The following INTS6 variants were observed in gnomAD, a reference collection of about 807,000 sequenced individuals.
INTS6 encodes integrator complex subunit 6.
In INTS6, 16 loss-of-function variants were observed where a neutral mutation model predicts 104.9. The observed-to-expected ratio is 0.15, with a 90% CI of 0.10 to 0.23. The LOEUF (loss-of-function observed/expected upper bound fraction) is 0.23, where lower values mean the gene tolerates loss of function less well. Among genes scored for constraint, INTS6 ranks in the 10% least tolerant of loss-of-function variants. The pLI, the probability that INTS6 is intolerant of heterozygous loss-of-function variation, is 1.00. For missense variants in INTS6, 584 were observed against 1,062.8 expected (o/e 0.55, Z 6.26); for synonymous variants, 324 against 358.7 (o/e 0.90, Z 1.09).
chr13:51,406,977 C>A (rs1956581152), intron 4 of INTS6, among the ~76,000 whole-genome samples: 1 of 150,760 alleles, frequency 6.6e-6, no homozygotes, highest in Non-Finnish European at 1.5e-5. Context: ...ATTGTTCTTC[C>A]TTCCAATGTG....
At chr13:51,403,582 A>C (rs1278477380) in intron 4 of INTS6, among the ~76,000 whole-genome samples, 1 of 144,902 alleles carries the variant, frequency 6.9e-6, no homozygotes, top group Non-Finnish European at 1.5e-5. Flanking sequence ...ACTCCATTTC[A>C]AAAAAAAAAA....
At chr13:51,372,512 T>C (rs1955829967) in intron 15 of INTS6, among the ~76,000 whole-genome samples, 1 of 152,188 alleles carries the variant, frequency 6.6e-6, no homozygotes, top group Non-Finnish European at 1.5e-5. Flanking sequence ...GGTGAGATTT[T>C]ATTCAGTGCA....
downstream of INTS6, among the ~76,000 whole-genome samples, chr13:51,352,942 G>A (rs1955421706): frequency 6.6e-6 from 1 of 152,110 alleles, no homozygotes; most frequent in African/African-American, 2.4e-5. Context: ...TTGCATTCCT[G>A]GGATAAATCC....
the INTS6 span, chr13:51,348,252 T>A: frequency 6.2e-7 from 1 of 1,604,964 alleles, no homozygotes; most frequent in Admixed American, 1.7e-5. Flanking sequence ...GTGGGGGTGC[T>A]GGAGCTTCCT....
intron 4 of INTS6, among the ~76,000 whole-genome samples, chr13:51,419,869 T>C (rs542265700): frequency 1.3e-5 from 2 of 152,300 alleles, no homozygotes; most frequent in South Asian, 2.1e-4. Flanking sequence ...TCTAGAACAG[T>C]AGTCTACAAA....
chr13:51,394,793 G>A (rs1250049260), intron 5 of INTS6, among the ~76,000 whole-genome samples: 3 of 152,142 alleles, frequency 2.0e-5, no homozygotes, highest in Non-Finnish European at 2.9e-5. Flanking sequence ...TGTATTTCAA[G>A]ATTTTCCTTG....
intron 4 of INTS6, among the ~76,000 whole-genome samples, chr13:51,400,013 C>A (rs1956407549): frequency 6.6e-6 from 1 of 152,222 alleles, no homozygotes; most frequent in Admixed American, 6.5e-5. Context: ...AGCATTACTG[C>A]CTGAGCTCCA....
At chr13:51,337,764 T>C in the INTS6 span, among the ~76,000 whole-genome samples, 1 of 152,242 alleles carries the variant, frequency 6.6e-6, no homozygotes, top group Admixed American at 6.5e-5. Flanking sequence ...ATAGAGTAGC[T>C]GGAACACAGT....
the INTS6 span, chr13:51,348,079 C>CT: frequency 3.0e-6 from 2 of 656,284 alleles, no homozygotes; most frequent in African/African-American, 1.8e-5. Context: ...GGCCTGAAAC[C>CT]GCCTCCTGAG....
At position 51,428,797 on chromosome 13, in the gene INTS6, A is replaced by C. The variant is rs150179705; in HGVS notation, c.429+1497T>G. On this transcript the variant is annotated intron_variant, in intron 4 of 17. Transcript: ENST00000311234. ...ATTATATATAGACTATAAATTATTT[A>C]ATCATGGATTATAATCTACCTAAAT... 2.4e-3 allele frequency among the ~76,000 whole-genome samples: 360 copies of C among 152,312 alleles called. 1 individual carries two copies. The highest frequency in any genetic ancestry group is 4.2e-3 in the Admixed American group (64 of 15,300).
At chr13:51,390,116 T>A (rs1287663740) in intron 5 of INTS6, among the ~76,000 whole-genome samples, 5 of 152,030 alleles carry the variant, frequency 3.3e-5, no homozygotes, top group Admixed American at 6.6e-5. Context: ...GTGATTTTTT[T>A]AAAAAGATAC....
chr13:51,336,663 G>A, the INTS6 span, among the ~76,000 whole-genome samples: 1 of 152,166 alleles, frequency 6.6e-6, no homozygotes, highest in Admixed American at 6.5e-5. Flanking sequence ...CAAAGAAGTT[G>A]ATGCTTTCAG....
intron 13 of INTS6, 100 bp downstream of exon 13, chr13:51,375,948 G>C (rs1057280592): frequency 7.5e-6 from 7 of 929,096 alleles, no homozygotes; most frequent in Non-Finnish European, 1.1e-5. Flanking sequence ...GAATGTTATA[G>C]TACTGTAATA....
At chr13:51,396,791 A>T (rs1956347420) in intron 4 of INTS6, among the ~76,000 whole-genome samples, 1 of 152,194 alleles carries the variant, frequency 6.6e-6, no homozygotes, top group African/African-American at 2.4e-5. Context: ...TTCTCCAATA[A>T]ATCAGTGGCA....
chr13:51,371,891 C>T (rs1251593259), intron 15 of INTS6, among the ~76,000 whole-genome samples: 1 of 152,172 alleles, frequency 6.6e-6, no homozygotes, highest in Non-Finnish European at 1.5e-5. Context: ...ACTTCCCCCA[C>T]ATTCAGTGTC....
At chr13:51,385,121 A>G (rs952732470) in intron 7 of INTS6, 1 of 153,084 alleles carries the variant, frequency 6.5e-6, no homozygotes, top group African/African-American at 2.4e-5. Flanking sequence ...AGCCATGCCA[A>G]GTACTTATTT....
intron 2 of INTS6, 85 bp from the exon 3 acceptor site, chr13:51,451,259 G>C: frequency 8.6e-7 from 1 of 1,156,196 alleles, no homozygotes; most frequent in Non-Finnish European, 1.2e-6. Flanking sequence ...TCACCAAGTA[G>C]CAGCTTCACT....
At chr13:51,446,214 TCAA>T (rs1952913376) in intron 3 of INTS6, 1 of 152,068 alleles carries the variant, frequency 6.6e-6, no homozygotes, top group Non-Finnish European at 1.5e-5. Context: ...ATCCTAAAGC[TCAA>T]CAACAAAAAA....
downstream of INTS6, among the ~76,000 whole-genome samples, chr13:51,356,956 C>A (rs1368945772): frequency 6.6e-6 from 1 of 152,132 alleles, no homozygotes; most frequent in African/African-American, 2.4e-5. Flanking sequence ...AATTTTCTCT[C>A]ATGAAGTTTT....
Sources: gnomAD v4.1 joint callset for allele counts (sites outside exome capture counted in the v4.1 genomes callset) on GRCh38, gnomAD v4.1.1 for gene constraint, MANE v1.5 for transcripts, NCBI Gene and HGNC (gene_info 2026-07-23, HGNC 2026-07-21) for gene names.